Variants in ITGA1 observed in about 807,000 individuals in gnomAD.
ITGA1 encodes the protein integrin alpha-1.
Under a neutral mutation model 145.9 loss-of-function variants are expected in ITGA1, and 85 were observed. The ratio of observed to expected loss-of-function variants is 0.58; its 90% CI spans 0.49 to 0.70. ITGA1 has a LOEUF of 0.70. Among genes scored for constraint, ITGA1 ranks in the 30% least tolerant of loss-of-function variants. The probability of loss-of-function intolerance (pLI) is 0.00; values close to 1 mark genes in which losing one functional copy is unlikely to be tolerated. For synonymous variants in ITGA1, 520 were observed against 495.3 expected, an observed-to-expected ratio of 1.05 and a Z score of -0.66; for missense variants, 1,351 against 1,418.7, an observed-to-expected ratio of 0.95 and a Z score of 0.77.
intron 1 of ITGA1, among the ~76,000 whole-genome samples, chr5:52,834,051 A>C (rs1474821449): frequency 1.3e-5 from 2 of 152,226 alleles, no homozygotes; most frequent in Non-Finnish European, 2.9e-5. Context: ...AATATAGAAC[A>C]ATGTACAATA....
chr5:52,826,159 A>G (rs966389932), intron 1 of ITGA1, among the ~76,000 whole-genome samples: 15 of 152,202 alleles, frequency 9.9e-5, no homozygotes, highest in Admixed American at 3.9e-4. Flanking sequence ...ACTCCAGTGA[A>G]CACATGAATG....
chr5:52,842,102 C>A (rs1561224502), intron 1 of ITGA1, among the ~76,000 whole-genome samples: 2 of 152,054 alleles, frequency 1.3e-5, no homozygotes, highest in South Asian at 4.1e-4. Context: ...GACTTGCAAC[C>A]CTTAAAATAG....
At chr5:52,844,216 G>A in intron 1 of ITGA1, among the ~76,000 whole-genome samples, 1 of 152,050 alleles carries the variant, frequency 6.6e-6, no homozygotes, top group East Asian at 1.9e-4. Context: ...ATAAGTTCTA[G>A]CTGAAGTCCT....
At chr5:52,855,584 A>T (rs752800984) in intron 2 of ITGA1, among the ~76,000 whole-genome samples, 1 of 152,182 alleles carries the variant, frequency 6.6e-6, no homozygotes, top group East Asian at 1.9e-4. Context: ...GGGAATAGAG[A>T]ACAAAAATTA....
At position 52,941,966 on chromosome 5, in the gene ITGA1, A is replaced by AG. The variant is rs1751060209; in HGVS notation, c.3285+2026dup. 2.6e-5 allele frequency among the ~76,000 whole-genome samples: 4 copies of AG among 152,188 alleles called. No individual in the cohort carries two copies. The South Asian group carries it at 6.2e-4, about 24-fold the overall frequency. Reference sequence around the variant, plus strand: ...TTAGTTTTTATATATGGGGAAAGTTAGGGGTCCAGTTTCATTCTTCTGCAT... The same window carrying AG: ...TTAGTTTTTATATATGGGGAAAGTTAGGGGGTCCAGTTTCATTCTTCTGCAT... On this transcript the variant is annotated intron_variant, in intron 26 of 28. Transcript: ENST00000282588.
intron 7 of ITGA1, among the ~76,000 whole-genome samples, chr5:52,886,724 C>G (rs1750055571): frequency 6.6e-6 from 1 of 152,112 alleles, no homozygotes; most frequent in African/African-American, 2.4e-5. Context: ...ATTTCCCTGT[C>G]TTCTGTTTCT....
At chr5:52,938,046 G>T in intron 24 of ITGA1, among the ~76,000 whole-genome samples, 1 of 152,148 alleles carries the variant, frequency 6.6e-6, no homozygotes, top group East Asian at 1.9e-4. Flanking sequence ...TGTCTGCAAA[G>T]ACCCTATTTC....
chr5:52,884,958 C>A (rs577174578), intron 7 of ITGA1, among the ~76,000 whole-genome samples: 1 of 152,134 alleles, frequency 6.6e-6, no homozygotes, highest in Non-Finnish European at 1.5e-5. Flanking sequence ...CAGGTACCCA[C>A]GATTTGTCCA....
chr5:52,865,019 A>G lies in ITGA1; in HGVS notation c.433A>G (p.Thr145Ala), dbSNP rs774564023. Reference sequence around the variant, plus strand: ...TAGATGTGGACATTTGCATTACACAACTGGAATCTGTTCTGACGTCAGCCC... The same window carrying G: ...TAGATGTGGACATTTGCATTACACAGCTGGAATCTGTTCTGACGTCAGCCC... ...AYRCGHLHYT[T>A]GICSDVSPTF... The change falls in exon 5 of 29, where the codon ACT (threonine) becomes GCT (alanine). Residue 145 changes from threonine to alanine, a missense_variant. Physicochemically the swap from Thr to Ala is moderately conservative, Grantham distance 58. Coordinates refer to ENST00000282588, the MANE Select transcript of ITGA1 (RefSeq NM_181501.2). The G allele has an allele frequency of 4.3e-6, 7 of 1,613,946 alleles. No homozygotes were observed. The highest frequency in any genetic ancestry group is 1.7e-5 in the Admixed American group (1 of 60,006).
In ITGA1 at chr5:52,918,897, T is replaced by C. The variant is rs1750689566; in HGVS notation, c.2154T>C (p.Ala718=). The stretch of plus-strand genomic sequence containing the variant: ...CTAAAGAAGACACGATTTATGAAGC[T>C]GGTAAGCAAAATAATTATAGCAAGT... ...LKSKEDTIYE[A]DLQYRVTLDS... The change falls in exon 16 of 29, where the codon GCT becomes GCC. Residue 718 remains alanine, a splice_region_variant and synonymous_variant. Coordinates refer to ENST00000282588, the MANE Select transcript of ITGA1 (RefSeq NM_181501.2). 6.3e-7 allele frequency: 1 copy of C among 1,588,376 alleles called. No homozygotes were observed. Among genetic ancestry groups the C allele is most frequent in the East Asian group, 2.2e-5 (1 of 44,510 alleles).
At chr5:52,952,345 A>T in intron 28 of ITGA1, 62 bp from the exon 29 acceptor site, 3 of 847,726 alleles carry the variant, frequency 3.5e-6, no homozygotes, top group Non-Finnish European at 5.4e-6. Flanking sequence ...TATCCAAAGG[A>T]TTAATATTTG....
intron 2 of ITGA1, among the ~76,000 whole-genome samples, chr5:52,858,783 A>G (rs1231453060): frequency 4.6e-5 from 7 of 152,164 alleles, no homozygotes; most frequent in Non-Finnish European, 1.0e-4. Context: ...ATCTGAAATA[A>G]ATACCTAATA....
intron 15 of ITGA1, among the ~76,000 whole-genome samples, chr5:52,916,430 C>T (rs1417844197): frequency 6.6e-6 from 1 of 152,102 alleles, no homozygotes; most frequent in Admixed American, 6.6e-5. Flanking sequence ...CGGGTGGAAA[C>T]ATACATCAAT....
In ITGA1 at chr5:52,861,545, A is replaced by T. The variant is rs781777678; in HGVS notation, c.281A>T (p.Lys94Met). ...VGRGESLPCV[K>M]LDLPVNTSIP... ...AGAGGTGAATCATTACCTTGTGTAA[A>T]GTTGGATCTACCAGGTATGTAAAAT... Residue 94 changes from lysine to methionine, a missense_variant, in exon 3 of 29, where the codon AAG becomes ATG. Lys to Met is a moderately conservative substitution (Grantham distance 95). Transcript: ENST00000282588. 8 of 1,604,422 alleles carry T rather than the reference A, an allele frequency of 5.0e-6. No homozygotes were observed. Among genetic ancestry groups the T allele is most frequent in the Non-Finnish European group, 6.8e-6 (8 of 1,171,346 alleles).
Position 52,861,571 on chromosome 5 carries a change from T to TA in ITGA1, c.295+19dup, listed in dbSNP as rs754208991. 1.9e-5 allele frequency: 29 copies of TA among 1,564,978 alleles called. No homozygotes were observed. The highest frequency in any genetic ancestry group is 1.1e-4 in the African/African-American group (8 of 73,894). ...GTTGGATCTACCAGGTATGTAAAAT[T>TA]AAAAAAATCTGGTTTTAGGCCAGGT... On this transcript the variant is annotated intron_variant, in intron 3 of 28. Transcript: ENST00000282588.
chr5:52,804,418 A>C (rs774176561), intron 1 of ITGA1, among the ~76,000 whole-genome samples: 5 of 152,204 alleles, frequency 3.3e-5, no homozygotes, highest in Non-Finnish European at 5.9e-5. Context: ...TTTGTATGTT[A>C]AATTCCTTGT....
chr5:52,884,447 T>TG (rs1554044941), intron 7 of ITGA1, among the ~76,000 whole-genome samples: 1 of 136,738 alleles, frequency 7.3e-6, no homozygotes, highest in Non-Finnish European at 1.6e-5. Context: ...AACTCTGCCT[T>TG]AAAAAAAAAA....
intron 6 of ITGA1, among the ~76,000 whole-genome samples, chr5:52,881,531 T>G (rs1226779633): frequency 6.6e-6 from 1 of 152,196 alleles, no homozygotes; most frequent in East Asian, 1.9e-4. Flanking sequence ...GTTTAATCTC[T>G]CTCTCCTTCT....
intron 2 of ITGA1, among the ~76,000 whole-genome samples, chr5:52,860,079 G>A (rs1749574637): frequency 6.6e-6 from 1 of 152,124 alleles, no homozygotes; most frequent in Non-Finnish European, 1.5e-5. Context: ...TATTTATGTA[G>A]GTTCTAAGTA....
Sources: gnomAD v4.1 joint callset for allele counts (sites outside exome capture counted in the v4.1 genomes callset) on GRCh38, gnomAD v4.1.1 for gene constraint, MANE v1.5 for transcripts, NCBI Gene and HGNC (gene_info 2026-07-23, HGNC 2026-07-21) for gene names.